Variants in EDIL3 observed in about 807,000 individuals in gnomAD.
The protein encoded by EDIL3 is EGF like and discoidin domains 3.
EDIL3 carries 37 observed loss-of-function variants against 67.4 expected under a neutral mutation model. That is an observed-to-expected ratio of 0.55 (90% CI 0.42 to 0.72). EDIL3 has a LOEUF of 0.72. Ranked by LOEUF, EDIL3 falls within the 30% of genes least tolerant of loss-of-function variation. The pLI, the probability that EDIL3 is intolerant of heterozygous loss-of-function variation, is 0.00. For missense variants in EDIL3, 527 were observed against 586.3 expected (o/e 0.90, Z 1.04); for synonymous variants, 195 against 196.3 (o/e 0.99, Z 0.05).
Position 83,976,078 on chromosome 5 carries a change from A to T in EDIL3, c.1138-12718T>A, listed in dbSNP as rs577420943. ...TAGGCCCAACACAAATGACTCCTGA[A>T]AGTCTTCCTAAGACACTAAGAACAG... On this transcript the variant is annotated intron_variant, in intron 9 of 10. Coordinates refer to ENST00000296591, the MANE Select transcript of EDIL3 (RefSeq NM_005711.5). Among the ~76,000 whole-genome samples the T allele has an allele frequency of 5.9e-5, 9 of 152,038 alleles. No homozygotes were observed. The South Asian group carries it at 1.9e-3, about 31-fold the overall frequency.
chr5:84,179,276 G>C (rs139696057), intron 4 of EDIL3, among the ~76,000 whole-genome samples: 6 of 152,148 alleles, frequency 3.9e-5, no homozygotes, highest in African/African-American at 1.4e-4. Context: ...TAGCATCAGG[G>C]AGACCTAGCC....
At chr5:84,346,471 C>T (rs967243544) in intron 1 of EDIL3, among the ~76,000 whole-genome samples, 2 of 152,108 alleles carry the variant, frequency 1.3e-5, no homozygotes, top group Admixed American at 1.3e-4. Flanking sequence ...TCACCCCGAT[C>T]TATATTTTGA....
At chr5:84,003,320 C>T (rs1745363076) in intron 9 of EDIL3, among the ~76,000 whole-genome samples, 1 of 152,078 alleles carries the variant, frequency 6.6e-6, no homozygotes, top group Non-Finnish European at 1.5e-5. Flanking sequence ...TTGCCACTGC[C>T]AAGGGCCCTG....
In EDIL3 at chr5:83,963,330, C is replaced by T. The variant is rs1204362435; in HGVS notation, c.1168G>A (p.Gly390Ser). The change falls in exon 10 of 11, where the codon GGC (glycine) becomes AGC (serine). Residue 390 changes from glycine to serine, a missense_variant. Transcript: ENST00000296591. ...VDLLVPTKVTGIITQGAKDFG... is the reference protein window; with the variant it reads ...VDLLVPTKVTSIITQGAKDFG... ...TCTTTAGCTCCTTGTGTAATGATGC[C>T]AGTCACTTTGGTTGGAACAAGAAGA... is the stretch of plus-strand genomic sequence containing the variant. 1 of 1,607,568 alleles carries T rather than the reference C, an allele frequency of 6.2e-7. No individual in the cohort carries two copies. Among genetic ancestry groups the T allele is most frequent in the Non-Finnish European group, 8.5e-7 (1 of 1,176,698 alleles).
chr5:83,968,000 T>A (rs538591626), intron 9 of EDIL3, among the ~76,000 whole-genome samples: 23 of 152,168 alleles, frequency 1.5e-4, no homozygotes, highest in Non-Finnish European at 3.1e-4. Flanking sequence ...CTAATATGGT[T>A]AACTAGCACA....
At chr5:84,009,153 C>T (rs537158087) in intron 9 of EDIL3, among the ~76,000 whole-genome samples, 24 of 152,074 alleles carry the variant, frequency 1.6e-4, no homozygotes, top group Admixed American at 9.8e-4. Flanking sequence ...ACTTGGTGGG[C>T]CTGCCCAAGT....
intron 1 of EDIL3, among the ~76,000 whole-genome samples, chr5:84,340,528 CTCTCTCTATATA>C (rs1402475912): frequency 7.6e-3 from 544 of 71,410 alleles, no homozygotes; most frequent in African/African-American, 0.012. Flanking sequence ...CTCTCTCTCT[CTCTCTCTATATA>C]TATATATATA....
chr5:84,049,792 G>T (rs1412788331), intron 9 of EDIL3, among the ~76,000 whole-genome samples: 1 of 152,058 alleles, frequency 6.6e-6, no homozygotes, highest in Non-Finnish European at 1.5e-5. Context: ...CCTCTGTTTA[G>T]GGCTGCCTGA....
rs185836309 is a variant in EDIL3, at chr5:84,042,089, C to A, written c.1137+18211G>T. Among the ~76,000 whole-genome samples the A allele has an allele frequency of 4.0e-3, 601 of 152,106 alleles. 5 individuals carry two copies. The highest frequency in any genetic ancestry group is 0.014 in the African/African-American group (572 of 41,504). On this transcript the variant is annotated intron_variant, in intron 9 of 10. Transcript: ENST00000296591. Reference sequence around the variant, plus strand: ...ACCCAATGCCATAATGATAATACAACCCTGAATGTAACTGCTATCAAATTT... The same window carrying A: ...ACCCAATGCCATAATGATAATACAAACCTGAATGTAACTGCTATCAAATTT...
intron 6 of EDIL3, among the ~76,000 whole-genome samples, chr5:84,098,187 C>G (rs1747299308): frequency 6.6e-6 from 1 of 151,534 alleles, no homozygotes; most frequent in Non-Finnish European, 1.5e-5. Context: ...TTAATAATTG[C>G]ATGCTGAACA....
chr5:84,034,358 G>T (rs1442103078), intron 9 of EDIL3, among the ~76,000 whole-genome samples: 1 of 152,128 alleles, frequency 6.6e-6, no homozygotes, highest in South Asian at 2.1e-4. Context: ...TGAAGGATAT[G>T]CTGTGTGTGA....
chr5:84,080,562 T>C (rs1746946888), intron 6 of EDIL3, among the ~76,000 whole-genome samples: 1 of 152,090 alleles, frequency 6.6e-6, no homozygotes, highest in African/African-American at 2.4e-5. Flanking sequence ...CAAGTTGTGA[T>C]TGTTATTCTA....
At chr5:84,263,242 G>A (rs1745271834) in intron 1 of EDIL3, among the ~76,000 whole-genome samples, 1 of 152,146 alleles carries the variant, frequency 6.6e-6, no homozygotes, top group African/African-American at 2.4e-5. Flanking sequence ...CTGAGAGCAA[G>A]TGACCTTCCA....
chr5:84,039,061 G>A (rs1371599430), intron 9 of EDIL3, among the ~76,000 whole-genome samples: 1 of 151,684 alleles, frequency 6.6e-6, no homozygotes, highest in Admixed American at 6.6e-5. Context: ...TTTCACATAG[G>A]TAGTAGCTAT....
intron 1 of EDIL3, among the ~76,000 whole-genome samples, chr5:84,329,872 G>GA (rs1746836809): frequency 6.6e-6 from 1 of 151,934 alleles, no homozygotes. Context: ...TTGCACAGAA[G>GA]AAAAAATAGA....
chr5:84,261,741 G>T (rs1349326469), intron 1 of EDIL3, among the ~76,000 whole-genome samples: 4 of 152,022 alleles, frequency 2.6e-5, no homozygotes, highest in African/African-American at 9.7e-5. Flanking sequence ...AACCACAGAA[G>T]ACAAAAATCA....
intron 9 of EDIL3, chr5:84,048,221 T>C (rs1161920389): frequency 2.3e-6 from 1 of 432,820 alleles, no homozygotes; most frequent in Non-Finnish European, 4.6e-6. Context: ...TTGACAAATG[T>C]TTCCAGTGGC....
At chr5:84,270,370 A>T (rs1037714056) in intron 1 of EDIL3, among the ~76,000 whole-genome samples, 3 of 152,204 alleles carry the variant, frequency 2.0e-5, no homozygotes, top group African/African-American at 7.2e-5. Context: ...TTCTCATCAG[A>T]CATACATTGC....
At chr5:84,311,574 T>A (rs536334161) in intron 1 of EDIL3, among the ~76,000 whole-genome samples, 2 of 152,088 alleles carry the variant, frequency 1.3e-5, no homozygotes, top group South Asian at 4.1e-4. Context: ...TTTTATTTTT[T>A]TTTTATTGAT....
Sources: allele counts gnomAD v4.1 joint callset (sites outside exome capture counted in the v4.1 genomes callset), GRCh38; gene constraint gnomAD v4.1.1; transcripts MANE v1.5; gene names NCBI Gene and HGNC (gene_info 2026-07-23, HGNC 2026-07-21).